C4orf50: variants seen among roughly 807,000 people sequenced by gnomAD.
The protein encoded by C4orf50 is chromosome 4 open reading frame 50.
A neutral mutation model predicts 77.2 loss-of-function variants in C4orf50; 80 were observed. The observed-to-expected ratio is 1.04, with a 90% CI of 0.87 to 1.25. The LOEUF is 1.25. Among genes scored for constraint, C4orf50 ranks in the 50% most tolerant of loss-of-function variants. The pLI is 0.00. For synonymous variants in C4orf50, 532 were observed against 465.3 expected, an observed-to-expected ratio of 1.14 and a Z score of -1.84; for missense variants, 1,257 against 1,152.9, an observed-to-expected ratio of 1.09 and a Z score of -1.31.
intron 25 of C4orf50, among the ~76,000 whole-genome samples, chr4:5,996,227 G>A (rs1721582391): frequency 6.6e-6 from 1 of 152,124 alleles, no homozygotes; most frequent in Admixed American, 6.5e-5. Context: ...CCTGACACCT[G>A]GCTGTCACAT....
At chr4:5,955,454 C>T (rs571831614), downstream of C4orf50, among the ~76,000 whole-genome samples, 111 of 152,218 alleles carry the variant, frequency 7.3e-4, no homozygotes, top group African/African-American at 2.6e-3. This position sits in a 1 kb window ranked among gnomAD's most constrained non-coding sequence, Gnocchi z 5.1. Context: ...GCACTGGCCA[C>T]GTGATACCTT....
At position 6,011,246 on chromosome 4, in the gene C4orf50, T is replaced by C. The variant is rs1722482161; in HGVS notation, c.426+584A>G. Among the ~76,000 whole-genome samples the C allele has an allele frequency of 6.6e-6, 1 of 152,030 alleles. No homozygotes were observed. The highest frequency in any genetic ancestry group is 6.5e-5 in the Admixed American group (1 of 15,268). The stretch of plus-strand genomic sequence containing the variant: ...TTCAGAATTGGGCCATGCAGCGGAG[T>C]TGGCCACCTGGCCCCTCTGGAACTT... On this transcript the variant is annotated intron_variant, in intron 24 of 33. Coordinates refer to ENST00000531445, the Ensembl canonical transcript of C4orf50. This position sits in a 1 kb window ranked among gnomAD's most constrained non-coding sequence, Gnocchi z 4.2.
intron 31 of C4orf50, among the ~76,000 whole-genome samples, chr4:5,971,037 CTG>C (rs1356600129): frequency 1.3e-5 from 2 of 152,188 alleles, no homozygotes; most frequent in South Asian, 2.1e-4. Context: ...TCTCAGGACA[CTG>C]TGAGCAACAG....
At chr4:5,967,321 G>A in intron 32 of C4orf50, 93 bp downstream of exon 10, 2 of 957,262 alleles carry the variant, frequency 2.1e-6, no homozygotes, top group Non-Finnish European at 3.4e-6. Flanking sequence ...TGCGACAGTG[G>A]GCATCTCCCC....
intron 31 of C4orf50, among the ~76,000 whole-genome samples, chr4:5,971,184 G>A (rs1719886953): frequency 6.6e-6 from 1 of 152,198 alleles, no homozygotes; most frequent in East Asian, 1.9e-4. Flanking sequence ...CAGCCATCCT[G>A]GCAGTCCTCC....
At position 5,932,516 on chromosome 4, in the gene C4orf50, G is replaced by A. The variant is rs1717812144; in HGVS notation, c.*2474+24385C>T. Among the ~76,000 whole-genome samples the A allele has an allele frequency of 6.6e-6, 1 of 152,180 alleles. No individual in the cohort carries two copies. The highest frequency in any genetic ancestry group is 2.4e-5 in the African/African-American group (1 of 41,436). ...CGTGGCTCCATCACAGTTCACTGCA[G>A]CCTCGACCTCCCAGGCTCAATTGAT... On this transcript the variant is annotated intron_variant, in intron 7 of 7. Coordinates refer to the C4orf50 transcript ENST00000324058. The surrounding 1 kb of genome is among the most constrained non-coding windows in gnomAD (Gnocchi z 4.2).
chr4:5,980,179 CCTGGAG>C (rs1159019579), exon 29 of C4orf50: 1 of 1,596,690 alleles, frequency 6.3e-7, no homozygotes, highest in East Asian at 2.3e-5. Context: ...CACACCTTGG[CCTGGAG>C]CTCCTCCTGG....
rs563319787 is a variant in C4orf50, at chr4:5,958,929, G to A, written c.*446C>T. 1.2e-5 allele frequency: 2 copies of A among 164,596 alleles called. No individual in the cohort carries two copies. The highest frequency in any genetic ancestry group is 4.8e-5 in the African/African-American group (2 of 41,896). The allele number at this position is 164,596 out of a possible 1,614,324, so 10.2% of individuals were successfully genotyped here. A position where few individuals can be genotyped will look rare whatever the true frequency, so the allele number is the denominator to read the frequency against. On this transcript the variant is annotated 3_prime_UTR_variant, in exon 34 of 34. Transcript: ENST00000531445. This position sits in a 1 kb window ranked among gnomAD's most constrained non-coding sequence, Gnocchi z 5.4. The stretch of plus-strand genomic sequence containing the variant: ...TCGACCTCAGCACTGGCGACCCTCG[G>A]GCTGTAATTCTTTGCTGTAGGAGGC...
intron 7 of C4orf50, among the ~76,000 whole-genome samples, chr4:5,923,075 T>C (rs1181325073): frequency 1.3e-5 from 2 of 152,186 alleles, no homozygotes; most frequent in Admixed American, 6.5e-5. Flanking sequence ...GAGTGAACTT[T>C]CCTGGAGTAG....
In C4orf50 at chr4:5,908,174, A is replaced by G. The variant is rs1716639249; in HGVS notation, c.*2475-9986T>C. Reference sequence around the variant, plus strand: ...GTTGAGATGAATAAAACCCAGACACATGTGTCCTCAAGGGCCTTATATCTG... The same window carrying G: ...GTTGAGATGAATAAAACCCAGACACGTGTGTCCTCAAGGGCCTTATATCTG... On this transcript the variant is annotated intron_variant, in intron 7 of 7. Coordinates refer to the C4orf50 transcript ENST00000324058. The surrounding 1 kb of genome is among the most constrained non-coding windows in gnomAD (Gnocchi z 5.6). Among the ~76,000 whole-genome samples, 1 of 152,210 alleles carries G rather than the reference A, an allele frequency of 6.6e-6. No individual in the cohort carries two copies. Among genetic ancestry groups the G allele is most frequent in the South Asian group, 2.1e-4 (1 of 4,828 alleles).
intron 28 of C4orf50, among the ~76,000 whole-genome samples, chr4:5,986,108 G>T (rs1720837949): frequency 6.6e-6 from 1 of 152,110 alleles, no homozygotes; most frequent in African/African-American, 2.4e-5. Flanking sequence ...AAAACAAATA[G>T]ACAACATATC....
At chr4:5,904,400 A>T (rs573066968) in intron 7 of C4orf50, 8 of 152,388 alleles carry the variant, frequency 5.2e-5, no homozygotes, top group African/African-American at 1.9e-4. Context: ...GTTGGGCGCA[A>T]CTCATGGACA....
chr4:5,935,005 T>C (rs914419401), intron 7 of C4orf50, among the ~76,000 whole-genome samples: 1 of 152,224 alleles, frequency 6.6e-6, no homozygotes, highest in Non-Finnish European at 1.5e-5. Context: ...ACATGGTTAA[T>C]AGTGCGCAGA....
chr4:6,010,345 C>T (rs775892348), intron 24 of C4orf50, among the ~76,000 whole-genome samples: 3 of 152,176 alleles, frequency 2.0e-5, no homozygotes, highest in Non-Finnish European at 4.4e-5. Context: ...TAGGATATCT[C>T]CCTGGCATCT....
intron 32 of C4orf50, 33 bp from the exon 11 acceptor site, chr4:5,965,178 C>T (rs6857900): frequency 0.32 from 508,637 of 1,598,108 alleles, 83,511 homozygotes; most frequent in Admixed American, 0.43. Flanking sequence ...AAGCCTCCAC[C>T]CAGGAACCTA....
Position 5,992,446 on chromosome 4 carries a change from T to C in C4orf50, c.1221+357A>G, listed in dbSNP as rs936878670. 7.2e-5 allele frequency among the ~76,000 whole-genome samples: 11 copies of C among 151,886 alleles called. No individual in the cohort carries two copies. Among genetic ancestry groups the C allele is most frequent in the Admixed American group, 7.2e-4 (11 of 15,258 alleles). On this transcript the variant is annotated intron_variant, in intron 27 of 33. Transcript: ENST00000531445. This position sits in a 1 kb window ranked among gnomAD's most constrained non-coding sequence, Gnocchi z 5.0. The stretch of plus-strand genomic sequence containing the variant: ...TCGAGCCTGGATCTCGGGGTCCACC[T>C]CCAAGCTGGGGACCTTGGGGAGTCA...
rs999939944 is a variant in C4orf50, at chr4:6,009,301, A to G, written c.427-769T>C. 6.6e-6 allele frequency among the ~76,000 whole-genome samples: 1 copy of G among 152,202 alleles called. No homozygotes were observed. The highest frequency in any genetic ancestry group is 2.4e-5 in the African/African-American group (1 of 41,460). ...AGCCGTTGCCTACTTTTCAGAATTAATTCAAGCAAAGGGATAGAACTACGT... is the reference window on the plus strand; with the variant it reads ...AGCCGTTGCCTACTTTTCAGAATTAGTTCAAGCAAAGGGATAGAACTACGT... On this transcript the variant is annotated intron_variant, in intron 24 of 33. Coordinates refer to ENST00000531445, the Ensembl canonical transcript of C4orf50. This position sits in a 1 kb window ranked among gnomAD's most constrained non-coding sequence, Gnocchi z 5.6.
intron 7 of C4orf50, chr4:5,902,749 A>G (rs1183004379): frequency 6.6e-6 from 1 of 152,148 alleles, no homozygotes; most frequent in Non-Finnish European, 1.5e-5. Context: ...TTCAATGGTC[A>G]ATGCACAACA....
At chr4:5,949,448 G>A (rs969956599) in intron 7 of C4orf50, among the ~76,000 whole-genome samples, 3 of 152,154 alleles carry the variant, frequency 2.0e-5, no homozygotes, top group African/African-American at 7.2e-5. Flanking sequence ...CTCACAAGAC[G>A]ACAAACATTG....
Sources: gnomAD v4.1 joint callset for allele counts (sites outside exome capture counted in the v4.1 genomes callset) on GRCh38, gnomAD v4.1.1 for gene constraint, Gnocchi (gnomAD v3.1) non-coding constraint, MANE v1.5 for transcripts, NCBI Gene and HGNC (gene_info 2026-07-23, HGNC 2026-07-21) for gene names.